Variants in CORIN observed in about 807,000 individuals in gnomAD.
The protein encoded by CORIN is corin, serine peptidase, also known as atrial natriuretic peptide-converting enzyme.
Under a neutral mutation model 125.3 loss-of-function variants are expected in CORIN, and 117 were observed. The ratio of observed to expected loss-of-function variants is 0.93; its 90% CI spans 0.80 to 1.09. The LOEUF is 1.09. CORIN is among the 50% of genes least tolerant of loss of function. The probability of loss-of-function intolerance (pLI) is 0.00; values close to 1 mark genes in which losing one functional copy is unlikely to be tolerated. For missense variants in CORIN, 1,253 were observed against 1,306.7 expected, an observed-to-expected ratio of 0.96 and a Z score of 0.63; for synonymous variants, 450 against 466.4, an observed-to-expected ratio of 0.96 and a Z score of 0.45.
chr4:47,659,482 C>A (rs904062154), intron 12 of CORIN, among the ~76,000 whole-genome samples: 1 of 152,196 alleles, frequency 6.6e-6, no homozygotes, highest in African/African-American at 2.4e-5. Context: ...ATCTGCTCAG[C>A]TTCTATGAAG....
intron 5 of CORIN, among the ~76,000 whole-genome samples, chr4:47,725,734 T>A (rs1727563203): frequency 6.6e-6 from 1 of 152,090 alleles, no homozygotes; most frequent in Admixed American, 6.5e-5. Flanking sequence ...GATACAAAAG[T>A]ATGTTGCATT....
At chr4:47,691,443 G>A (rs1373028899) in intron 6 of CORIN, among the ~76,000 whole-genome samples, 1 of 152,136 alleles carries the variant, frequency 6.6e-6, no homozygotes, top group Admixed American at 6.6e-5. Context: ...GCCATGCGTT[G>A]TTTTGAAAAG....
chr4:47,653,207 T>C (rs1026496040), intron 13 of CORIN, among the ~76,000 whole-genome samples: 1 of 152,234 alleles, frequency 6.6e-6, no homozygotes, highest in Non-Finnish European at 1.5e-5. Flanking sequence ...AATTAAACTC[T>C]ATCATAGGTA....
At position 47,685,572 on chromosome 4, in the gene CORIN, A is replaced by C. The variant is rs777730136; in HGVS notation, c.914-1734T>G. ...TTTGGGGGAGATGCAAACATTCTAG[A>C]ACTGTATTGTGCGGTTAGTCGCATA... On this transcript the variant is annotated intron_variant, in intron 6 of 21. Transcript: ENST00000273857. 7.2e-5 allele frequency among the ~76,000 whole-genome samples: 11 copies of C among 152,290 alleles called. No individual in the cohort carries two copies. The South Asian group carries it at 1.9e-3, about 26-fold the overall frequency.
chr4:47,725,169 T>G (rs1310686515), intron 5 of CORIN, among the ~76,000 whole-genome samples: 2 of 152,080 alleles, frequency 1.3e-5, no homozygotes, highest in Non-Finnish European at 2.9e-5. Flanking sequence ...TTTGAAAGAC[T>G]TAATATGTTT....
At chr4:47,772,286 C>T (rs995994763) in intron 3 of CORIN, among the ~76,000 whole-genome samples, 3 of 152,098 alleles carry the variant, frequency 2.0e-5, no homozygotes, top group African/African-American at 4.8e-5. Context: ...AGAAATGAGC[C>T]GTAATATAGG....
At chr4:47,670,234 T>A (rs1724685816) in intron 10 of CORIN, among the ~76,000 whole-genome samples, 1 of 152,258 alleles carries the variant, frequency 6.6e-6, no homozygotes. Flanking sequence ...TTCCCTCTTT[T>A]TGTGATGTTA....
intron 5 of CORIN, among the ~76,000 whole-genome samples, chr4:47,737,104 T>C (rs1483160476): frequency 1.3e-5 from 2 of 152,174 alleles, no homozygotes; most frequent in Non-Finnish European, 2.9e-5. Flanking sequence ...AGGAAGGGAA[T>C]ATAGTAAGCC....
intron 8 of CORIN, among the ~76,000 whole-genome samples, chr4:47,679,136 CA>C (rs1725150815): frequency 6.6e-6 from 1 of 152,132 alleles, no homozygotes; most frequent in Non-Finnish European, 1.5e-5. Flanking sequence ...TTCAAACATG[CA>C]AAAGAACATA....
chr4:47,691,752 TTATTCCAGACTCAGA>T (rs1445061857), intron 6 of CORIN, among the ~76,000 whole-genome samples: 2 of 151,980 alleles, frequency 1.3e-5, no homozygotes, highest in East Asian at 3.9e-4. Flanking sequence ...TTTTCAAGCA[TTATTCCAGACTCAGA>T]TACTACATGA....
Position 47,645,125 on chromosome 4 carries a change from T to A in CORIN, c.1913A>T (p.Asp638Val), listed in dbSNP as rs762707859. The stretch of plus-strand genomic sequence containing the variant: ...GTAATCAGGGCAGTCTGGGAACCCA[T>A]CGCAGATCACTGTGTGCTTCAAACA... ...KQCLKHTVIC[D>V]GFPDCPDYMD... The change falls in exon 14 of 22, where the codon GAT (aspartate) becomes GTT (valine). Residue 638 changes from aspartate to valine, a missense_variant. Asp to Val is a radical substitution (Grantham distance 152). Coordinates refer to ENST00000273857, the MANE Select transcript of CORIN (RefSeq NM_006587.4). 6.2e-7 allele frequency: 1 copy of A among 1,613,344 alleles called. No homozygotes were observed. Among genetic ancestry groups the A allele is most frequent in the Admixed American group, 1.7e-5 (1 of 59,818 alleles).
intron 3 of CORIN, among the ~76,000 whole-genome samples, chr4:47,776,552 A>T (rs192098099): frequency 2.1e-4 from 32 of 152,362 alleles, no homozygotes; most frequent in African/African-American, 7.5e-4. Flanking sequence ...ATCATAAATC[A>T]GTCTCCTGAA....
chr4:47,825,709 T>C (rs7691904), intron 1 of CORIN, among the ~76,000 whole-genome samples: 56,554 of 147,954 alleles, frequency 0.38, 11,366 homozygotes, highest in East Asian at 0.59. Flanking sequence ...TTTTTTTTTT[T>C]TTTTTTTTTT....
intron 16 of CORIN, among the ~76,000 whole-genome samples, chr4:47,628,689 C>T (rs1042935172): frequency 6.6e-6 from 1 of 152,080 alleles, no homozygotes; most frequent in African/African-American, 2.4e-5. Flanking sequence ...TTTTTAGATT[C>T]CACATATAAA....
chr4:47,690,583 G>A (rs1351550640), intron 6 of CORIN, among the ~76,000 whole-genome samples: 1 of 152,160 alleles, frequency 6.6e-6, no homozygotes, highest in Non-Finnish European at 1.5e-5. Flanking sequence ...GATCATTTTT[G>A]CATCTAATCC....
chr4:47,668,714 T>C (rs1724592722), intron 10 of CORIN, among the ~76,000 whole-genome samples: 1 of 152,188 alleles, frequency 6.6e-6, no homozygotes, highest in Admixed American at 6.5e-5. Context: ...GCATGAATAA[T>C]TTTTCTCTTT....
chr4:47,610,435 C>T (rs370105376), intron 19 of CORIN, among the ~76,000 whole-genome samples: 2 of 151,076 alleles, frequency 1.3e-5, no homozygotes, highest in East Asian at 1.9e-4. Flanking sequence ...GTCCTTTGCC[C>T]ACTTTTTAAT....
chr4:47,757,890 A>ATG (rs1729248084), intron 4 of CORIN, among the ~76,000 whole-genome samples: 1 of 143,798 alleles, frequency 7.0e-6, no homozygotes, highest in African/African-American at 2.5e-5. Context: ...ATATATATAT[A>ATG]TATATATATA....
chr4:47,599,699 C>T (rs970253220), intron 21 of CORIN, among the ~76,000 whole-genome samples: 1 of 152,168 alleles, frequency 6.6e-6, no homozygotes, highest in African/African-American at 2.4e-5. Flanking sequence ...GACATGCTGG[C>T]AATCAAGTGA....
Sources: allele counts gnomAD v4.1 joint callset (sites outside exome capture counted in the v4.1 genomes callset), GRCh38; gene constraint gnomAD v4.1.1; transcripts MANE v1.5; gene names NCBI Gene and HGNC (gene_info 2026-07-23, HGNC 2026-07-21).